The following CAST variants were observed in gnomAD, a reference collection of about 807,000 sequenced individuals.
CAST encodes calpastatin.
Under a neutral mutation model 119.6 loss-of-function variants are expected in CAST, and 76 were observed. The ratio of observed to expected loss-of-function variants is 0.64; its 90% CI spans 0.53 to 0.77. The LOEUF is 0.77. CAST is among the 30% of genes least tolerant of loss of function. CAST has a pLI of 0.00. For missense variants in CAST, 953 were observed against 946.5 expected (o/e 1.01, Z -0.09); for synonymous variants, 319 against 331.6 (o/e 0.96, Z 0.41).
chr5:96,716,867 G>C (rs1757276986), intron 3 of CAST, among the ~76,000 whole-genome samples: 1 of 152,064 alleles, frequency 6.6e-6, no homozygotes, highest in Non-Finnish European at 1.5e-5. Flanking sequence ...AACCCTGTAG[G>C]GTGCATGGTA....
the CAST span, among the ~76,000 whole-genome samples, chr5:96,292,948 G>A: frequency 6.6e-5 from 10 of 152,346 alleles, no homozygotes; most frequent in African/African-American, 9.6e-5. Flanking sequence ...AAAGAGTCCC[G>A]ACTGATATAG....
intron 29 of CAST, chr5:96,770,281 C>T: frequency 2.1e-6 from 1 of 467,784 alleles, no homozygotes; most frequent in Non-Finnish European, 3.9e-6. Context: ...CTGGGTGAGT[C>T]AGGCACCACG....
intron 3 of CAST, among the ~76,000 whole-genome samples, chr5:96,721,377 G>C (rs760967562): frequency 3.9e-5 from 6 of 152,166 alleles, no homozygotes; most frequent in Non-Finnish European, 7.3e-5. Flanking sequence ...AGGTTTGTGG[G>C]GAAGGTGATT....
chr5:96,555,002 T>C (rs1410015741), intron 1 of CAST, among the ~76,000 whole-genome samples: 1 of 152,206 alleles, frequency 6.6e-6, no homozygotes, highest in Non-Finnish European at 1.5e-5. Context: ...TGGCAATTCC[T>C]CAAGGATCTA....
intron 1 of CAST, among the ~76,000 whole-genome samples, chr5:96,554,386 C>T (rs539075141): frequency 6.6e-6 from 1 of 152,184 alleles, no homozygotes; most frequent in Non-Finnish European, 1.5e-5. Context: ...CTTCCTTACA[C>T]CTGACACAAA....
chr5:96,050,769 A>T, the CAST span, among the ~76,000 whole-genome samples: 2 of 152,022 alleles, frequency 1.3e-5, no homozygotes, highest in African/African-American at 4.8e-5. Context: ...CAGCTGTGGG[A>T]TTGAGGAAGG....
At chr5:96,609,653 G>T (rs1020242254) in intron 1 of CAST, among the ~76,000 whole-genome samples, 1 of 152,210 alleles carries the variant, frequency 6.6e-6, no homozygotes, top group Non-Finnish European at 1.5e-5. Context: ...AATTAAAATT[G>T]TAAGTATTTG....
intron 1 of CAST, among the ~76,000 whole-genome samples, chr5:96,540,164 C>A (rs907100300): frequency 6.6e-6 from 1 of 151,896 alleles, no homozygotes; most frequent in Admixed American, 6.6e-5. Flanking sequence ...TGTGTTGTTT[C>A]TATTTTTTTC....
the CAST span, among the ~76,000 whole-genome samples, chr5:96,114,513 G>A: frequency 3.5e-4 from 53 of 152,236 alleles, no homozygotes; most frequent in Non-Finnish European, 5.9e-4. Flanking sequence ...GAGTGTTTAC[G>A]GGTCAAAGAG....
At chr5:96,351,492 A>G in the CAST span, among the ~76,000 whole-genome samples, 1 of 152,156 alleles carries the variant, frequency 6.6e-6, no homozygotes, top group Admixed American at 6.5e-5. Context: ...AGAACACTCA[A>G]CTGGCACATG....
chr5:96,175,242 G>T, the CAST span, among the ~76,000 whole-genome samples: 1 of 152,132 alleles, frequency 6.6e-6, no homozygotes, highest in African/African-American at 2.4e-5. Flanking sequence ...TCAGTTGGCC[G>T]GTTAGTACAT....
At chr5:96,661,581 G>T (rs4590196), upstream of CAST, among the ~76,000 whole-genome samples, 51,051 of 151,908 alleles carry the variant, frequency 0.34, 11,016 homozygotes, top group African/African-American at 0.61. Context: ...AGCAGCAACT[G>T]CAGGCTGACA....
chr5:96,288,385 A>T, the CAST span, among the ~76,000 whole-genome samples: 1 of 152,204 alleles, frequency 6.6e-6, no homozygotes, highest in Non-Finnish European at 1.5e-5. Flanking sequence ...AAAAGAAGTC[A>T]TCTGAGAACC....
chr5:96,288,095 G>T, the CAST span, among the ~76,000 whole-genome samples: 1 of 152,094 alleles, frequency 6.6e-6, no homozygotes, highest in Non-Finnish European at 1.5e-5. Context: ...CTTATTTTGT[G>T]GGAAGGGCTT....
chr5:96,422,748 A>G, the CAST span, among the ~76,000 whole-genome samples: 1 of 152,204 alleles, frequency 6.6e-6, no homozygotes. Context: ...GACCTAAGAT[A>G]TATGATGGTG....
At chr5:96,263,006 C>A in the CAST span, among the ~76,000 whole-genome samples, 1 of 152,310 alleles carries the variant, frequency 6.6e-6, no homozygotes, top group African/African-American at 2.4e-5. Context: ...TGGTCCTTCC[C>A]CACGTCTAGT....
chr5:96,753,929 A>G lies in CAST; in HGVS notation c.1525-131A>G, dbSNP rs963316506. On this transcript the variant is annotated intron_variant, in intron 20 of 31. Coordinates refer to ENST00000675179, the MANE Select transcript of CAST (RefSeq NM_001750.7). ...TTAAACATAGATTCTAATTCAGTTG[A>G]TAACTCGAGTTATTAAAAGATAGCG... 6.5e-6 allele frequency: 4 copies of G among 612,578 alleles called. No homozygotes were observed. In the Admixed American group the frequency reaches 8.5e-5, roughly 13 times the overall value. The allele number at this position is 612,578 out of a possible 1,614,324, so 37.9% of individuals were successfully genotyped here. A position where few individuals can be genotyped will look rare whatever the true frequency, so the allele number is the denominator to read the frequency against.
At chr5:96,522,591 C>A (rs367584755), upstream of CAST, among the ~76,000 whole-genome samples, 12 of 152,244 alleles carry the variant, frequency 7.9e-5, no homozygotes, top group East Asian at 1.9e-3. Flanking sequence ...GCCTCCTGAA[C>A]CTCAGGGTGA....
At chr5:96,124,719 C>G in the CAST span, among the ~76,000 whole-genome samples, 1 of 152,184 alleles carries the variant, frequency 6.6e-6, no homozygotes, top group East Asian at 1.9e-4. Flanking sequence ...GTAGTCTGTA[C>G]CTGTATTTCT....
Sources: allele counts gnomAD v4.1 joint callset (sites outside exome capture counted in the v4.1 genomes callset), GRCh38; gene constraint gnomAD v4.1.1; transcripts MANE v1.5; gene names NCBI Gene and HGNC (gene_info 2026-07-23, HGNC 2026-07-21).